PTPRM: variants seen among roughly 807,000 people sequenced by gnomAD.
PTPRM encodes receptor-type tyrosine-protein phosphatase mu.
Under a neutral mutation model 186.7 loss-of-function variants are expected in PTPRM, and 47 were observed. That is an observed-to-expected ratio of 0.25 (90% CI 0.20 to 0.32). PTPRM has a LOEUF of 0.32. Ranked by LOEUF, PTPRM falls within the 10% of genes least tolerant of loss-of-function variation. The pLI, the probability that PTPRM is intolerant of heterozygous loss-of-function variation, is 1.00. For synonymous variants in PTPRM, 668 were observed against 674.9 expected (o/e 0.99, Z 0.16); for missense variants, 1,494 against 1,865.0 (o/e 0.80, Z 3.66).
At chr18:7,627,098 C>G (rs1567991461) in intron 1 of PTPRM, among the ~76,000 whole-genome samples, 1 of 152,148 alleles carries the variant, frequency 6.6e-6, no homozygotes, top group Non-Finnish European at 1.5e-5. Context: ...TGGGATGACT[C>G]ACACTGAAAT....
At chr18:7,836,760 T>C (rs2046071078) in intron 2 of PTPRM, among the ~76,000 whole-genome samples, 1 of 152,224 alleles carries the variant, frequency 6.6e-6, no homozygotes, top group East Asian at 1.9e-4. Flanking sequence ...TTTCCAGACA[T>C]ATTCTTCTAG....
At chr18:8,295,503 C>G (rs997620427) in intron 19 of PTPRM, among the ~76,000 whole-genome samples, 17 of 152,130 alleles carry the variant, frequency 1.1e-4, no homozygotes, top group African/African-American at 4.1e-4. Flanking sequence ...AAATGGTGCT[C>G]TCATTCATCT....
At chr18:7,803,762 G>C (rs1169089728) in intron 2 of PTPRM, among the ~76,000 whole-genome samples, 2 of 152,154 alleles carry the variant, frequency 1.3e-5, no homozygotes, top group Non-Finnish European at 2.9e-5. Context: ...AATGTAATTA[G>C]ATTTGAGTTA....
chr18:7,729,033 C>G (rs933669319), intron 1 of PTPRM, among the ~76,000 whole-genome samples: 1 of 151,780 alleles, frequency 6.6e-6, no homozygotes, highest in African/African-American at 2.4e-5. Flanking sequence ...GCCTCAGCCT[C>G]CTGAGTAGCT....
At chr18:7,997,127 C>T (rs1285598128) in intron 7 of PTPRM, among the ~76,000 whole-genome samples, 1 of 152,130 alleles carries the variant, frequency 6.6e-6, no homozygotes, top group Non-Finnish European at 1.5e-5. Flanking sequence ...ATCCCACTAC[C>T]TGATTTGACA....
intron 1 of PTPRM, among the ~76,000 whole-genome samples, chr18:7,658,343 T>TATAC (rs2038901628): frequency 9.1e-6 from 1 of 109,866 alleles, no homozygotes; most frequent in East Asian, 2.7e-4. Flanking sequence ...TATATATATA[T>TATAC]ATATATATAT....
chr18:7,953,520 A>G (rs1482065818), intron 6 of PTPRM, among the ~76,000 whole-genome samples: 1 of 152,236 alleles, frequency 6.6e-6, no homozygotes, highest in East Asian at 1.9e-4. Context: ...ACAATATTTT[A>G]GTAAATTTAC....
At chr18:7,655,823 A>G (rs2038833043) in intron 1 of PTPRM, among the ~76,000 whole-genome samples, 1 of 152,192 alleles carries the variant, frequency 6.6e-6, no homozygotes, top group Admixed American at 6.5e-5. Flanking sequence ...GTTATCTCAC[A>G]TTTTCGAAAA....
At chr18:8,300,877 GT>G (rs1216580581) in intron 20 of PTPRM, among the ~76,000 whole-genome samples, 1 of 152,114 alleles carries the variant, frequency 6.6e-6, no homozygotes, top group East Asian at 1.9e-4. Context: ...GGGTATCCGT[GT>G]TACCCCTTCC....
chr18:7,594,054 G>A (rs557928082), intron 1 of PTPRM, among the ~76,000 whole-genome samples: 1 of 152,234 alleles, frequency 6.6e-6, no homozygotes, highest in Admixed American at 6.5e-5. Context: ...CACTCTATAC[G>A]ACCCTCTCCG....
At chr18:7,974,864 T>C (rs977736567) in intron 7 of PTPRM, among the ~76,000 whole-genome samples, 3 of 152,220 alleles carry the variant, frequency 2.0e-5, no homozygotes, top group East Asian at 1.9e-4. Context: ...AGTGCACTTA[T>C]TCTTAAACTT....
intron 7 of PTPRM, among the ~76,000 whole-genome samples, chr18:7,955,932 G>A (rs562086347): frequency 6.6e-6 from 1 of 152,300 alleles, no homozygotes; most frequent in Admixed American, 6.5e-5. Context: ...TGATTTGTGT[G>A]CTGGGTGCAG....
chr18:7,759,250 A>G (rs1265785097), intron 1 of PTPRM, among the ~76,000 whole-genome samples: 1 of 152,216 alleles, frequency 6.6e-6, no homozygotes, highest in African/African-American at 2.4e-5. Context: ...TGTTAAAGGT[A>G]AGTGTCCAAT....
chr18:8,018,138 C>G (rs2084989488), intron 7 of PTPRM: 1 of 152,068 alleles, frequency 6.6e-6, no homozygotes, highest in Admixed American at 6.6e-5. Context: ...GGAGAGAATT[C>G]CAGGCTGAAG....
At chr18:8,225,427 G>T (rs4399594) in intron 14 of PTPRM, among the ~76,000 whole-genome samples, 80,248 of 151,800 alleles carry the variant, frequency 0.53, 21,688 homozygotes, top group Middle Eastern at 0.74. Flanking sequence ...ACTTTGGAGA[G>T]CTTCTGGTAC....
rs2036457948 is a variant in PTPRM at position 7,567,673 on chromosome 18, A to G, written c.-146A>G. The G allele has an allele frequency of 1.5e-6, 1 of 659,932 alleles. No individual in the cohort carries two copies. The highest frequency in any genetic ancestry group is 2.5e-5 in the South Asian group (1 of 40,386). 40.9% of individuals were successfully genotyped at this position (659,932 alleles called of 1,614,324 possible). A position where few individuals can be genotyped will look rare whatever the true frequency, so the allele number is the denominator to read the frequency against. Reference sequence around the variant, plus strand: ...GAGCCGCTGGAGTTCGGACTTCTGCAACTGTTGGCACTTTGGGGGCTTGGC... The same window carrying G: ...GAGCCGCTGGAGTTCGGACTTCTGCGACTGTTGGCACTTTGGGGGCTTGGC... On this transcript the variant is annotated 5_prime_UTR_variant, in exon 1 of 33. Coordinates refer to ENST00000580170, the MANE Select transcript of PTPRM (RefSeq NM_001105244.2). The surrounding 1 kb of genome is among the most constrained non-coding windows in gnomAD (Gnocchi z 4.3).
chr18:7,824,747 A>G (rs1033092545), intron 2 of PTPRM, among the ~76,000 whole-genome samples: 1 of 152,116 alleles, frequency 6.6e-6, no homozygotes, highest in Non-Finnish European at 1.5e-5. Flanking sequence ...TTCTTCTGGG[A>G]TGTGGTAAAA....
intron 14 of PTPRM, among the ~76,000 whole-genome samples, chr18:8,204,141 CTGGTT>C (rs1462263786): frequency 6.6e-6 from 1 of 152,048 alleles, no homozygotes; most frequent in African/African-American, 2.4e-5. Flanking sequence ...GTGTAGCTCT[CTGGTT>C]TGTGAGCAGA....
intron 13 of PTPRM, among the ~76,000 whole-genome samples, chr18:8,127,881 T>C (rs1483886589): frequency 6.6e-6 from 1 of 152,178 alleles, no homozygotes; most frequent in Non-Finnish European, 1.5e-5. Context: ...CTCTTTGCTC[T>C]GCAGGAACTT....
Sources: allele counts gnomAD v4.1 joint callset (sites outside exome capture counted in the v4.1 genomes callset), GRCh38; gene constraint gnomAD v4.1.1; non-coding constraint Gnocchi (gnomAD v3.1); transcripts MANE v1.5; gene names NCBI Gene and HGNC (gene_info 2026-07-23, HGNC 2026-07-21).